TMEM26: variants seen among roughly 807,000 people sequenced by gnomAD.
TMEM26 encodes transmembrane protein 26.
Under a neutral mutation model 28.8 loss-of-function variants are expected in TMEM26, and 38 were observed. The observed-to-expected ratio is 1.32, with a 90% CI of 1.02 to 1.73. The LOEUF (loss-of-function observed/expected upper bound fraction) is 1.73, where lower values mean the gene tolerates loss of function less well. Among genes scored for constraint, TMEM26 ranks in the 40% most tolerant of loss-of-function variants. The probability of loss-of-function intolerance (pLI) is 0.00; values close to 1 mark genes in which losing one functional copy is unlikely to be tolerated. For synonymous variants in TMEM26, 227 were observed against 182.9 expected, an observed-to-expected ratio of 1.24 and a Z score of -1.95; for missense variants, 518 against 447.1, an observed-to-expected ratio of 1.16 and a Z score of -1.43.
At chr10:61,436,094 C>G in intron 2 of TMEM26, 76 bp downstream of exon 2, 1 of 948,198 alleles carries the variant, frequency 1.1e-6, no homozygotes, top group South Asian at 1.7e-5. Context: ...AAGTGCATTC[C>G]GAAAATAAAC....
chr10:61,430,998 A>C (rs1032184176), intron 3 of TMEM26, among the ~76,000 whole-genome samples: 1 of 152,054 alleles, frequency 6.6e-6, no homozygotes, highest in African/African-American at 2.4e-5. Flanking sequence ...TGCAGGTTAA[A>C]TATATCTATT....
In TMEM26 at chr10:61,407,364, A is replaced by G. The variant is rs1244241135; in HGVS notation, c.*2958T>C. The G allele has an allele frequency of 4.6e-5, 7 of 152,180 alleles. No individual in the cohort carries two copies. Among genetic ancestry groups the G allele is most frequent in the African/African-American group, 1.4e-4 (6 of 41,450 alleles). The allele number at this position is 152,180 out of a possible 1,614,324, so 9.4% of individuals were successfully genotyped here. On this transcript the variant is annotated 3_prime_UTR_variant, in exon 6 of 6. Transcript: ENST00000399298. ...AGTGCTATTTGTTAGTGGAACTACA[A>G]CAGTGCCAAGAGTAAATTTGTATCA...
intron 4 of TMEM26, chr10:61,414,937 A>G (rs1045154857): frequency 2.1e-6 from 2 of 968,860 alleles, no homozygotes; most frequent in African/African-American, 1.8e-5. Context: ...CCAGGTGTGA[A>G]TACTGTTAGG....
chr10:61,432,097 GTGTC>G (rs1400359531), intron 2 of TMEM26, among the ~76,000 whole-genome samples: 1 of 152,058 alleles, frequency 6.6e-6, no homozygotes, highest in Non-Finnish European at 1.5e-5. Flanking sequence ...TCCACAGTGT[GTGTC>G]TGTGTGTGTG....
intron 4 of TMEM26, among the ~76,000 whole-genome samples, chr10:61,416,616 T>A (rs1403321471): frequency 6.6e-6 from 1 of 152,056 alleles, no homozygotes; most frequent in Non-Finnish European, 1.5e-5. Flanking sequence ...GAGACTTTAT[T>A]TTCCTTGCCT....
At chr10:61,426,153 T>C (rs1339650074) in intron 4 of TMEM26, among the ~76,000 whole-genome samples, 1 of 152,052 alleles carries the variant, frequency 6.6e-6, no homozygotes, top group Non-Finnish European at 1.5e-5. Context: ...AGAAACATTA[T>C]GTTACATAAA....
At chr10:61,434,880 A>C (rs890345362) in intron 2 of TMEM26, among the ~76,000 whole-genome samples, 1 of 152,210 alleles carries the variant, frequency 6.6e-6, no homozygotes, top group African/African-American at 2.4e-5. Context: ...AAAATGACCA[A>C]CTATAACAAA....
intron 1 of TMEM26, 26 bp downstream of exon 1, chr10:61,452,865 C>A: frequency 6.2e-7 from 1 of 1,603,158 alleles, no homozygotes; most frequent in Non-Finnish European, 8.5e-7. Flanking sequence ...GCCCCGTGCG[C>A]CCTCGCTTTC....
rs1255326058 is a variant in TMEM26, at chr10:61,450,537, T to C, written c.191+2354A>G. On this transcript the variant is annotated intron_variant, in intron 1 of 5. Transcript: ENST00000399298. Reference sequence around the variant, plus strand: ...AAATGAGCATATGTCTATATTCAGTTGTATTTGGTAACATCAATAGAATAA... The same window carrying C: ...AAATGAGCATATGTCTATATTCAGTCGTATTTGGTAACATCAATAGAATAA... Among the ~76,000 whole-genome samples the C allele has an allele frequency of 3.3e-5, 5 of 152,238 alleles. No individual in the cohort carries two copies. The East Asian group carries it at 7.7e-4, about 23-fold the overall frequency.
rs1564470299 is a variant in TMEM26 at position 61,409,563 on chromosome 10, C to T, written c.*759G>A. 1 of 152,210 alleles carries T rather than the reference C, an allele frequency of 6.6e-6. No individual in the cohort carries two copies. The highest frequency in any genetic ancestry group is 1.5e-5 in the Non-Finnish European group (1 of 68,056). 9.4% of individuals were successfully genotyped at this position (152,210 alleles called of 1,614,324 possible). A position where few individuals can be genotyped will look rare whatever the true frequency, so the allele number is the denominator to read the frequency against. On this transcript the variant is annotated 3_prime_UTR_variant, in exon 6 of 6. Transcript: ENST00000399298. ...GGGTTCAGAAAAATACTGATGAACA[C>T]TGCAAATCATGTTCAGAGTAGAAAT...
At chr10:61,418,263 A>G (rs1410459012) in intron 4 of TMEM26, among the ~76,000 whole-genome samples, 2 of 152,070 alleles carry the variant, frequency 1.3e-5, no homozygotes, top group African/African-American at 4.8e-5. Context: ...CAATTTGATT[A>G]GGCCACTTGT....
chr10:61,417,492 C>A (rs1839672875), intron 4 of TMEM26, among the ~76,000 whole-genome samples: 3 of 145,132 alleles, frequency 2.1e-5, no homozygotes, highest in South Asian at 2.2e-4. Context: ...TGACAAATAC[C>A]ACCAGAAAAG....
intron 1 of TMEM26, among the ~76,000 whole-genome samples, chr10:61,440,126 G>A (rs1266459585): frequency 6.6e-6 from 1 of 151,978 alleles, no homozygotes; most frequent in Non-Finnish European, 1.5e-5. Flanking sequence ...TGTAATCCCA[G>A]GTACTCCATA....
intron 3 of TMEM26, among the ~76,000 whole-genome samples, chr10:61,429,593 ATCT>A (rs1839889004): frequency 6.6e-6 from 1 of 152,092 alleles, no homozygotes; most frequent in African/African-American, 2.4e-5. Context: ...CATTGTACAA[ATCT>A]TCTCTTTGTT....
chr10:61,435,414 C>T (rs1036691270), intron 2 of TMEM26, among the ~76,000 whole-genome samples: 1 of 152,148 alleles, frequency 6.6e-6, no homozygotes, highest in Non-Finnish European at 1.5e-5. Context: ...CTCTTGACCT[C>T]GTGATCCACC....
In TMEM26 at chr10:61,410,660, TG is replaced by T; in HGVS notation, c.768del (p.Asn256LysfsTer20). ...FFCQYSADLWNIGISVFIQDG... is the reference protein window; with the variant it reads ...FFCQYSADLWXIGISVFIQDG... ...TCTTGTATGAAGACGCTGATTCCGATGTTCCACAGATCGGCACTGTACTGGC... is the reference window on the plus strand; with the variant it reads ...TCTTGTATGAAGACGCTGATTCCGATTTCCACAGATCGGCACTGTACTGGC... On this transcript the variant is annotated frameshift_variant, in exon 6 of 6. Coordinates refer to ENST00000399298, the MANE Select transcript of TMEM26 (RefSeq NM_178505.8). LOFTEE classifies it low-confidence loss of function (END_TRUNC). 8 of 1,614,184 alleles carry T rather than the reference TG, an allele frequency of 5.0e-6. No homozygotes were observed. Among genetic ancestry groups the T allele is most frequent in the Non-Finnish European group, 6.8e-6 (8 of 1,180,040 alleles).
At chr10:61,448,578 T>C (rs1473548347) in intron 1 of TMEM26, among the ~76,000 whole-genome samples, 1 of 152,006 alleles carries the variant, frequency 6.6e-6, no homozygotes, top group Non-Finnish European at 1.5e-5. Context: ...ATCAAAATGC[T>C]ACCTTTTAAA....
At chr10:61,447,726 G>A (rs540267192) in intron 1 of TMEM26, among the ~76,000 whole-genome samples, 1 of 152,174 alleles carries the variant, frequency 6.6e-6, no homozygotes, top group South Asian at 2.1e-4. Context: ...GGCTCATGAC[G>A]ATTGCCCCTT....
intron 1 of TMEM26, among the ~76,000 whole-genome samples, chr10:61,443,296 CA>C (rs536125967): frequency 0.15 from 17,594 of 117,158 alleles, 1,687 homozygotes; most frequent in African/African-American, 0.31. Context: ...CTAAAAATAC[CA>C]AAAAAAAAAA....
Sources: gnomAD v4.1 joint callset for allele counts (sites outside exome capture counted in the v4.1 genomes callset) on GRCh38, gnomAD v4.1.1 for gene constraint, MANE v1.5 for transcripts, NCBI Gene and HGNC (gene_info 2026-07-23, HGNC 2026-07-21) for gene names.